Variants in SLMAP observed in about 807,000 individuals in gnomAD.
The protein encoded by SLMAP is sarcolemma associated protein.
In SLMAP, 44 loss-of-function variants were observed where a neutral mutation model predicts 128.8. The ratio of observed to expected loss-of-function variants is 0.34; its 90% CI spans 0.27 to 0.44. The LOEUF (loss-of-function observed/expected upper bound fraction) is 0.44, where lower values mean the gene tolerates loss of function less well. Ranked by LOEUF, SLMAP falls within the 20% of genes least tolerant of loss-of-function variation. The pLI, the probability that SLMAP is intolerant of heterozygous loss-of-function variation, is 1.00. For synonymous variants in SLMAP, 327 were observed against 348.8 expected (o/e 0.94, Z 0.70); for missense variants, 787 against 985.3 (o/e 0.80, Z 2.69).
At chr3:57,901,573 A>G (rs942504444) in intron 17 of SLMAP, 2 of 152,232 alleles carry the variant, frequency 1.3e-5, no homozygotes, top group Non-Finnish European at 2.9e-5. Context: ...CAGGACATAC[A>G]AAGAACTAGG....
chr3:57,906,672 AAAAT>A (rs1166098802), intron 17 of SLMAP, among the ~76,000 whole-genome samples: 529 of 29,996 alleles, frequency 0.018, 4 homozygotes, highest in African/African-American at 0.039. Flanking sequence ...ATATGAAAAA[AAAAT>A]ATATATATAT....
At position 57,890,037 on chromosome 3, in the gene SLMAP, G is replaced by T; in HGVS notation, c.1301-4G>T. ...TGGATGGTAACGTTTATTTTCCTTG[G>T]CAGAGAAGCTGATCGTCGAAGGGCA... On this transcript the variant is annotated splice_polypyrimidine_tract_variant and splice_region_variant and intron_variant, in intron 14 of 24. Coordinates refer to ENST00000671191, the MANE Select transcript of SLMAP (RefSeq NM_001377540.1). 6.2e-7 allele frequency: 1 copy of T among 1,609,322 alleles called. No individual in the cohort carries two copies. The highest frequency in any genetic ancestry group is 1.1e-5 in the South Asian group (1 of 90,940).
chr3:57,854,310 A>G (rs964604501), intron 6 of SLMAP, among the ~76,000 whole-genome samples: 1 of 84,098 alleles, frequency 1.2e-5, no homozygotes, highest in Non-Finnish European at 2.2e-5. Flanking sequence ...TTAAATGTAT[A>G]TATTGGCCGG....
intron 14 of SLMAP, among the ~76,000 whole-genome samples, chr3:57,884,033 A>C (rs1358129837): frequency 1.4e-5 from 2 of 147,770 alleles, no homozygotes; most frequent in East Asian, 4.0e-4. Context: ...GCAGGTATCG[A>C]TCCTCCCATC....
At chr3:57,895,345 CTTTA>C (rs1205665515) in intron 15 of SLMAP, among the ~76,000 whole-genome samples, 1 of 151,606 alleles carries the variant, frequency 6.6e-6, no homozygotes, top group Non-Finnish European at 1.5e-5. Context: ...TTCTTTCTTT[CTTTA>C]TTTTGAGACA....
intron 2 of SLMAP, among the ~76,000 whole-genome samples, chr3:57,795,017 G>A (rs115633799): frequency 0.017 from 2,571 of 152,234 alleles, 65 homozygotes; most frequent in African/African-American, 0.059. Flanking sequence ...TTTCCAAGGT[G>A]CCTATACCAT....
intron 13 of SLMAP, among the ~76,000 whole-genome samples, chr3:57,867,008 T>C (rs542276226): frequency 3.9e-5 from 6 of 152,014 alleles, no homozygotes; most frequent in Non-Finnish European, 8.8e-5. Context: ...TGAAACCCTG[T>C]CTCTACAAAA....
chr3:57,888,691 C>T (rs2095975682), intron 14 of SLMAP, among the ~76,000 whole-genome samples: 1 of 151,140 alleles, frequency 6.6e-6, no homozygotes, highest in Non-Finnish European at 1.5e-5. Flanking sequence ...AAAATTTAAC[C>T]GTGTAAAATA....
At chr3:57,814,604 A>C (rs2091579638) in intron 2 of SLMAP, among the ~76,000 whole-genome samples, 2 of 152,174 alleles carry the variant, frequency 1.3e-5, no homozygotes, top group African/African-American at 4.8e-5. Context: ...ATAGTTACAG[A>C]TCTCCTAGTC....
At chr3:57,855,293 G>C (rs554771362) in intron 6 of SLMAP, among the ~76,000 whole-genome samples, 1 of 151,890 alleles carries the variant, frequency 6.6e-6, no homozygotes, top group South Asian at 2.1e-4. Flanking sequence ...TACCAGAATT[G>C]CTTGAACCCA....
rs1370623267 is a variant in SLMAP at position 57,929,373 on chromosome 3, T to C, written c.*2084T>C. ...TGCTTTATTTTTTTCTCTTTTAATATGGTTATTGTTAAAATGAGAGTCACT... is the reference window on the plus strand; with the variant it reads ...TGCTTTATTTTTTTCTCTTTTAATACGGTTATTGTTAAAATGAGAGTCACT... On this transcript the variant is annotated 3_prime_UTR_variant, in exon 25 of 25. Transcript: ENST00000671191. Among the ~76,000 whole-genome samples the C allele has an allele frequency of 6.6e-6, 1 of 152,222 alleles. No individual in the cohort carries two copies. Among genetic ancestry groups the C allele is most frequent in the African/African-American group, 2.4e-5 (1 of 41,472 alleles).
At chr3:57,787,433 T>C (rs1420362770) in intron 2 of SLMAP, among the ~76,000 whole-genome samples, 1 of 152,168 alleles carries the variant, frequency 6.6e-6, no homozygotes, top group Non-Finnish European at 1.5e-5. Flanking sequence ...CATTAGCATA[T>C]TTAAAATAGG....
intron 2 of SLMAP, among the ~76,000 whole-genome samples, chr3:57,821,725 C>T (rs1449846026): frequency 1.3e-5 from 2 of 152,172 alleles, no homozygotes; most frequent in African/African-American, 4.8e-5. Flanking sequence ...TTGGATTAAT[C>T]TCCCTAAAAC....
At chr3:57,925,981 T>C (rs1242456770) in intron 24 of SLMAP, 47 bp downstream of exon 24, 3 of 1,351,732 alleles carry the variant, frequency 2.2e-6, no homozygotes, top group Non-Finnish European at 2.1e-6. Context: ...CCCGTCACCT[T>C]TTTGTGCCAT....
At chr3:57,882,261 T>C (rs1019937082) in intron 14 of SLMAP, among the ~76,000 whole-genome samples, 13 of 152,158 alleles carry the variant, frequency 8.5e-5, no homozygotes, top group African/African-American at 3.1e-4. Context: ...AAGAAGGCTT[T>C]GCCTTCATGG....
chr3:57,864,108 G>A, intron 10 of SLMAP, among the ~76,000 whole-genome samples: 1 of 152,004 alleles, frequency 6.6e-6, no homozygotes, highest in Admixed American at 6.6e-5. Context: ...ATCTTTACTG[G>A]TTTAGAAATG....
chr3:57,862,309 C>T (rs548107040), intron 10 of SLMAP, among the ~76,000 whole-genome samples: 1 of 151,462 alleles, frequency 6.6e-6, no homozygotes, highest in Admixed American at 6.6e-5. Flanking sequence ...CAGAGCGATA[C>T]TCCATCTCAA....
chr3:57,897,033 A>C, intron 17 of SLMAP, 101 bp downstream of exon 17: 2 of 1,554,508 alleles, frequency 1.3e-6, no homozygotes, highest in Non-Finnish European at 1.7e-6. Context: ...ATTTTTAGTT[A>C]AGAGATTAAG....
chr3:57,864,045 T>A (rs1179391832), intron 10 of SLMAP, among the ~76,000 whole-genome samples: 1 of 152,172 alleles, frequency 6.6e-6, no homozygotes, highest in Non-Finnish European at 1.5e-5. Context: ...CTGGGTGTTA[T>A]GGAGGAATAA....
Sources: gnomAD v4.1 joint callset for allele counts (sites outside exome capture counted in the v4.1 genomes callset) on GRCh38, gnomAD v4.1.1 for gene constraint, MANE v1.5 for transcripts, NCBI Gene and HGNC (gene_info 2026-07-23, HGNC 2026-07-21) for gene names.